Variants in TACR3 observed in about 807,000 individuals in gnomAD.
TACR3 encodes tachykinin receptor 3.
A neutral mutation model predicts 35.0 loss-of-function variants in TACR3; 34 were observed. The ratio of observed to expected loss-of-function variants is 0.97; its 90% confidence interval spans 0.74 to 1.30. The LOEUF is 1.30. TACR3 is among the 50% of genes most tolerant of loss of function. TACR3 has a pLI of 0.00. For missense variants in TACR3, 558 were observed against 591.7 expected, an observed-to-expected ratio of 0.94 and a Z score of 0.59; for synonymous variants, 233 against 221.1, an observed-to-expected ratio of 1.05 and a Z score of -0.48.
chr4:103,719,080 C>A (rs201188413), intron 1 of TACR3, 48 bp downstream of exon 1: 3 of 1,611,446 alleles, frequency 1.9e-6, no homozygotes, highest in Non-Finnish European at 2.5e-6. Flanking sequence ...CCGCCCAGTT[C>A]TTTTCTTTCC....
At chr4:103,637,850 A>C (rs1196882831) in intron 3 of TACR3, among the ~76,000 whole-genome samples, 1 of 152,160 alleles carries the variant, frequency 6.6e-6, no homozygotes, top group Non-Finnish European at 1.5e-5. Flanking sequence ...TGCTACAAAG[A>C]GAATAAAAAA....
chr4:103,638,490 G>C (rs1249056909), intron 3 of TACR3, among the ~76,000 whole-genome samples: 2 of 151,872 alleles, frequency 1.3e-5, no homozygotes, highest in African/African-American at 4.8e-5. Context: ...AAAAACCCTA[G>C]AAGAAAACCT....
intron 3 of TACR3, among the ~76,000 whole-genome samples, chr4:103,627,757 TA>T (rs1457420017): frequency 2.6e-5 from 4 of 152,098 alleles, no homozygotes; most frequent in Admixed American, 6.6e-5. Flanking sequence ...TTAACAAGGA[TA>T]TCCAGGACTT....
chr4:103,677,312 AG>A (rs140616754), intron 1 of TACR3, among the ~76,000 whole-genome samples: 23,414 of 152,116 alleles, frequency 0.15, 2,343 homozygotes, highest in East Asian at 0.43. Flanking sequence ...GATTCCTCAA[AG>A]ATGTAGAAGT....
At chr4:103,672,891 A>T (rs780501356) in intron 1 of TACR3, among the ~76,000 whole-genome samples, 4 of 152,204 alleles carry the variant, frequency 2.6e-5, no homozygotes, top group Non-Finnish European at 4.4e-5. Context: ...GATCTTAACT[A>T]GGTCCTTTAG....
intron 1 of TACR3, among the ~76,000 whole-genome samples, chr4:103,676,164 T>G (rs901293368): frequency 2.6e-5 from 4 of 152,216 alleles, no homozygotes; most frequent in African/African-American, 4.8e-5. Context: ...GCACTCACCT[T>G]GCAGCTTCTG....
Position 103,702,655 on chromosome 4 carries a change from T to A in TACR3, c.548+16473A>T, listed in dbSNP as rs548809960. Among the ~76,000 whole-genome samples the A allele has an allele frequency of 1.2e-3, 182 of 152,150 alleles. 1 individual carries two copies. Among genetic ancestry groups the A allele is most frequent in the African/African-American group, 4.2e-3 (174 of 41,518 alleles). On this transcript the variant is annotated intron_variant, in intron 1 of 4. Coordinates refer to ENST00000304883, the MANE Select transcript of TACR3 (RefSeq NM_001059.3). ...AGCAAAGACTTGGAACCAACCCAAATGTCAAACAATGATGGACTGGATTAA... is the reference window on the plus strand; with the variant it reads ...AGCAAAGACTTGGAACCAACCCAAAAGTCAAACAATGATGGACTGGATTAA...
At chr4:103,650,690 AAT>A (rs1322431892) in intron 3 of TACR3, among the ~76,000 whole-genome samples, 1 of 7,876 alleles carries the variant, frequency 1.3e-4, no homozygotes, top group Non-Finnish European at 1.7e-4. Flanking sequence ...TATCATATAT[AAT>A]ATATATTTAT....
intron 4 of TACR3, chr4:103,591,228 G>A (rs1249797890): frequency 2.1e-6 from 1 of 473,524 alleles, no homozygotes; most frequent in Non-Finnish European, 3.8e-6. Context: ...AGATTTTGGA[G>A]GAAGAAGTTG....
At position 103,646,772 on chromosome 4, in the gene TACR3, A is replaced by G. The variant is rs551645549; in HGVS notation, c.888+9422T>C. The stretch of plus-strand genomic sequence containing the variant: ...GAAATACTATGTAGAAGAGATGGAT[A>G]GCAAATCTTTTCTGTTTCCAAAGTG... On this transcript the variant is annotated intron_variant, in intron 3 of 4. Transcript: ENST00000304883. 3.9e-5 allele frequency among the ~76,000 whole-genome samples: 6 copies of G among 152,138 alleles called. No homozygotes were observed. In the East Asian group the frequency reaches 1.2e-3, roughly 29 times the overall value.
chr4:103,665,016 T>C (rs1415296873), intron 1 of TACR3, among the ~76,000 whole-genome samples: 1 of 151,954 alleles, frequency 6.6e-6, no homozygotes, highest in Non-Finnish European at 1.5e-5. Context: ...ATTCACCATG[T>C]TGTCCAGGCT....
At chr4:103,718,437 A>C (rs1236589048) in intron 1 of TACR3, among the ~76,000 whole-genome samples, 2 of 152,234 alleles carry the variant, frequency 1.3e-5, no homozygotes, top group African/African-American at 4.8e-5. Context: ...AGGCACATAG[A>C]GTTTTTAAAA....
At chr4:103,606,638 A>G (rs968108335) in intron 3 of TACR3, among the ~76,000 whole-genome samples, 1 of 152,084 alleles carries the variant, frequency 6.6e-6, no homozygotes, top group East Asian at 1.9e-4. Flanking sequence ...TTGTTGGTGT[A>G]TAAGAATGCT....
rs201889169 is a variant in TACR3 at position 103,589,507 on chromosome 4, G to T, written c.*175C>A. ...TTTTATTTTGGGTGGAGGCTAACAT[G>T]TTATTAGTGTCTTTGTCACATTTAT... On this transcript the variant is annotated 3_prime_UTR_variant, in exon 5 of 5. Coordinates refer to ENST00000304883, the MANE Select transcript of TACR3 (RefSeq NM_001059.3). 1.6e-6 allele frequency: 1 copy of T among 644,802 alleles called. No individual in the cohort carries two copies. The highest frequency in any genetic ancestry group is 2.6e-6 in the Non-Finnish European group (1 of 380,092). The allele number at this position is 644,802 out of a possible 1,614,324, so 39.9% of individuals were successfully genotyped here.
chr4:103,678,991 A>C (rs1274801755), intron 1 of TACR3, among the ~76,000 whole-genome samples: 2 of 152,008 alleles, frequency 1.3e-5, no homozygotes, highest in African/African-American at 2.4e-5. Flanking sequence ...ATGTCTCACC[A>C]CTGAAGAAAA....
At chr4:103,694,768 C>T (rs1722485752) in intron 1 of TACR3, among the ~76,000 whole-genome samples, 1 of 151,860 alleles carries the variant, frequency 6.6e-6, no homozygotes, top group Non-Finnish European at 1.5e-5. Context: ...AAAAGATTTG[C>T]TATATAAATA....
intron 1 of TACR3, among the ~76,000 whole-genome samples, chr4:103,718,301 T>G (rs904666743): frequency 1.3e-5 from 2 of 152,152 alleles, no homozygotes; most frequent in Non-Finnish European, 2.9e-5. Flanking sequence ...GAGACTGAAA[T>G]CAACTGCTAT....
chr4:103,621,354 G>C (rs1724776259), intron 3 of TACR3, among the ~76,000 whole-genome samples: 1 of 152,172 alleles, frequency 6.6e-6, no homozygotes, highest in Non-Finnish European at 1.5e-5. Flanking sequence ...TAAGGATGGA[G>C]ATGAGAATAG....
chr4:103,631,204 C>T (rs976507204), intron 3 of TACR3, among the ~76,000 whole-genome samples: 1 of 152,042 alleles, frequency 6.6e-6, no homozygotes, highest in African/African-American at 2.4e-5. Context: ...GGAGGGATAG[C>T]ACTTGGAGAA....
Sources: gnomAD v4.1 joint callset for allele counts (sites outside exome capture counted in the v4.1 genomes callset) on GRCh38, gnomAD v4.1.1 for gene constraint, MANE v1.5 for transcripts, NCBI Gene and HGNC (gene_info 2026-07-23, HGNC 2026-07-21) for gene names.